SOHLH2: variants seen among roughly 807,000 people sequenced by gnomAD.
SOHLH2 encodes spermatogenesis- and oogenesis-specific basic helix-loop-helix-containing protein 2.
Under a neutral mutation model 50.4 loss-of-function variants are expected in SOHLH2, and 22 were observed. The observed-to-expected ratio is 0.44, with a 90% confidence interval of 0.31 to 0.62. SOHLH2 has a LOEUF of 0.62. Ranked by LOEUF, SOHLH2 falls within the 20% of genes least tolerant of loss-of-function variation. SOHLH2 has a pLI of 0.08. For missense variants in SOHLH2, 412 were observed against 504.4 expected, an observed-to-expected ratio of 0.82 and a Z score of 1.76; for synonymous variants, 185 against 187.3, an observed-to-expected ratio of 0.99 and a Z score of 0.10.
intron 10 of SOHLH2, 37 bp from the exon 11 acceptor site, chr13:36,169,091 C>A (rs769537748): frequency 1.9e-6 from 3 of 1,597,418 alleles, no homozygotes; most frequent in South Asian, 2.3e-5. Flanking sequence ...TTAATTGAAT[C>A]CTCACCCACT....
At chr13:36,173,903 A>C (rs1887031542) in intron 8 of SOHLH2, 93 bp from the exon 9 acceptor site, 1 of 1,398,922 alleles carries the variant, frequency 7.1e-7, no homozygotes, top group Admixed American at 1.9e-5. Context: ...TTCAAGTTCT[A>C]AAAACACTGA....
At chr13:36,170,481 T>C in intron 10 of SOHLH2, 50 bp downstream of exon 10, 2 of 1,578,784 alleles carry the variant, frequency 1.3e-6, no homozygotes, top group Non-Finnish European at 1.7e-6. Flanking sequence ...GGGTTTCTGC[T>C]GGCTGGAGTG....
At chr13:36,208,339 C>T (rs1366185815) in intron 1 of SOHLH2, among the ~76,000 whole-genome samples, 1 of 151,980 alleles carries the variant, frequency 6.6e-6, no homozygotes, top group African/African-American at 2.4e-5. Flanking sequence ...CTTATTTAGT[C>T]AATTGTTTAT....
chr13:36,190,010 A>G lies in SOHLH2; in HGVS notation c.577T>C (p.Leu193=), dbSNP rs1020815959. 3 of 1,608,694 alleles carry G rather than the reference A, an allele frequency of 1.9e-6. No individual in the cohort carries two copies. The highest frequency in any genetic ancestry group is 1.7e-6 in the Non-Finnish European group (2 of 1,176,652). Reference sequence around the variant, plus strand: ...TTTTTGTTTTTCTCGAACTCTGACAACGAAGCATTTAATTCAAGCCCATTG... The same window carrying G: ...TTTTTGTTTTTCTCGAACTCTGACAGCGAAGCATTTAATTCAAGCCCATTG... ...NGNGLELNAS[L]SEFEKNKKIS... The change falls in exon 6 of 11, where the codon TTG becomes CTG. Residue 193 remains leucine, a synonymous_variant. Transcript: ENST00000379881.
rs148353610 is a variant in SOHLH2, at chr13:36,197,210, G to A, written c.264-3343C>T. ...CAATCCATTTTCCCTCATGTTTCAC[G>A]ATTACGCTGTTTAAATGTCATGATG... On this transcript the variant is annotated intron_variant, in intron 2 of 10. Coordinates refer to ENST00000379881, the MANE Select transcript of SOHLH2 (RefSeq NM_017826.3). 4.6e-5 allele frequency among the ~76,000 whole-genome samples: 7 copies of A among 152,118 alleles called. No individual in the cohort carries two copies. The East Asian group carries it at 9.7e-4, about 21-fold the overall frequency.
At position 36,168,785 on chromosome 13, in the gene SOHLH2, T is replaced by G. The variant is rs763556639; in HGVS notation, c.*249A>C. 3.5e-5 allele frequency: 17 copies of G among 486,724 alleles called. No individual in the cohort carries two copies. The highest frequency in any genetic ancestry group is 4.9e-5 in the Non-Finnish European group (14 of 287,416). The allele number at this position is 486,724 out of a possible 1,614,324, so 30.2% of individuals were successfully genotyped here. A position where few individuals can be genotyped will look rare whatever the true frequency, so the allele number is the denominator to read the frequency against. On this transcript the variant is annotated 3_prime_UTR_variant, in exon 11 of 11. Transcript: ENST00000379881. ...GTAGGTCACTGAGGCCATTTGTTCT[T>G]GTAGCTCTCTGGCTGGCGGGGATCC...
Position 36,201,935 on chromosome 13 carries a change from G to T in SOHLH2, c.207C>A (p.Leu69=). 1 of 1,614,194 alleles carries T rather than the reference G, an allele frequency of 6.2e-7. No individual in the cohort carries two copies. Among genetic ancestry groups the T allele is most frequent in the Non-Finnish European group, 8.5e-7 (1 of 1,180,042 alleles). Residue 69 remains leucine, a synonymous_variant, in exon 2 of 11, where the codon CTC becomes CTA. Coordinates refer to ENST00000379881, the MANE Select transcript of SOHLH2 (RefSeq NM_017826.3). The part of the protein sequence containing the change: ...LLDDCIFNMV[L]LKVPSSLSAE... Reference sequence around the variant, plus strand: ...CACTTAGTGAAGAAGGCACCTTCAAGAGAACCATGTTGAATATGCAATCAT... The same window carrying T: ...CACTTAGTGAAGAAGGCACCTTCAATAGAACCATGTTGAATATGCAATCAT...
chr13:36,178,266 GCT>G (rs1378179244), intron 6 of SOHLH2, among the ~76,000 whole-genome samples: 1 of 151,868 alleles, frequency 6.6e-6, no homozygotes, highest in Non-Finnish European at 1.5e-5. Context: ...TTATAGTACA[GCT>G]CTGAGTATGC....
intron 1 of SOHLH2, among the ~76,000 whole-genome samples, chr13:36,214,224 C>T (rs1236951651): frequency 1.3e-5 from 2 of 152,130 alleles, no homozygotes; most frequent in African/African-American, 4.8e-5. Flanking sequence ...TCAGCCCCGT[C>T]CCCCAACCTC....
intron 6 of SOHLH2, among the ~76,000 whole-genome samples, chr13:36,179,909 T>C (rs1291198002): frequency 2.6e-5 from 4 of 152,260 alleles, no homozygotes; most frequent in African/African-American, 9.6e-5. Context: ...TAGGGTTATG[T>C]TGTTCCCATG....
chr13:36,172,071 C>T (rs975468038), intron 9 of SOHLH2, among the ~76,000 whole-genome samples: 3 of 152,180 alleles, frequency 2.0e-5, no homozygotes, highest in Admixed American at 1.3e-4. Flanking sequence ...GACTCCTTAA[C>T]CTTCAAGGCC....
At position 36,173,726 on chromosome 13, in the gene SOHLH2, A is replaced by G. The variant is rs965858792; in HGVS notation, c.966T>C (p.Pro322=). The change falls in exon 9 of 11, where the codon CCT becomes CCC. Residue 322 remains proline (P), a synonymous_variant. Coordinates refer to ENST00000379881, the MANE Select transcript of SOHLH2 (RefSeq NM_017826.3). ...TNTCWNGCST[P]DAESSLDEAV... ...CTTCATCCAAGGAGCTCTCTGCATC[A>G]GGAGTGGAGCACCCATTCCAGCACG... 2 of 1,613,516 alleles carry G rather than the reference A, an allele frequency of 1.2e-6. No individual in the cohort carries two copies. The highest frequency in any genetic ancestry group is 1.3e-5 in the African/African-American group (1 of 74,912).
At position 36,184,814 on chromosome 13, in the gene SOHLH2, C is replaced by T. The variant is rs182447775; in HGVS notation, c.641+5132G>A. 1.9e-3 allele frequency among the ~76,000 whole-genome samples: 291 copies of T among 152,254 alleles called. 1 individual carries two copies. Among genetic ancestry groups the T allele is most frequent in the African/African-American group, 6.4e-3 (265 of 41,538 alleles). On this transcript the variant is annotated intron_variant, in intron 6 of 10. Coordinates refer to ENST00000379881, the MANE Select transcript of SOHLH2 (RefSeq NM_017826.3). Reference sequence around the variant, plus strand: ...ATGTGCAGAACGTGTAGGTTTGTTACATATGCATACATGTGCCATGGTGGT... The same window carrying T: ...ATGTGCAGAACGTGTAGGTTTGTTATATATGCATACATGTGCCATGGTGGT...
chr13:36,198,390 G>T (rs2149424), intron 2 of SOHLH2, among the ~76,000 whole-genome samples: 49,148 of 152,020 alleles, frequency 0.32, 8,057 homozygotes, highest in African/African-American at 0.38. Context: ...ATCCTCAATT[G>T]TGAAAACTTA....
Position 36,191,811 on chromosome 13 carries a change from T to C in SOHLH2, c.514A>G (p.Thr172Ala). 2 of 1,613,884 alleles carry C rather than the reference T, an allele frequency of 1.2e-6. No individual in the cohort carries two copies. The highest frequency in any genetic ancestry group is 1.7e-6 in the Non-Finnish European group (2 of 1,179,806). The change falls in exon 5 of 11, where the codon ACT becomes GCT. Residue 172 changes from threonine (T) to alanine (A), a missense_variant. Thr to Ala is a moderately conservative substitution (Grantham distance 58). Transcript: ENST00000379881. ...AAAACTAACCAGGCAAATAGATCAGTAGGAAAATATCCCAGGTGTTCGCTG... is the reference window on the plus strand; with the variant it reads ...AAAACTAACCAGGCAAATAGATCAGCAGGAAAATATCCCAGGTGTTCGCTG... The part of the protein sequence containing the change: ...SYSEHLGYFP[T>A]DLFACSESLR...
At chr13:36,201,566 G>A (rs1484643362) in intron 2 of SOHLH2, among the ~76,000 whole-genome samples, 1 of 151,358 alleles carries the variant, frequency 6.6e-6, no homozygotes, top group African/African-American at 2.4e-5. Flanking sequence ...TTAAACTCCT[G>A]AACAATCCTC....
intron 8 of SOHLH2, 42 bp downstream of exon 8, chr13:36,174,434 A>T: frequency 6.2e-7 from 1 of 1,608,052 alleles, no homozygotes; most frequent in East Asian, 2.2e-5. Flanking sequence ...ATGGGAGGAA[A>T]ATAACTAGCA....
chr13:36,170,942 ACTTT>A (rs1267820570), intron 9 of SOHLH2, among the ~76,000 whole-genome samples, 155 bp from the exon 10 acceptor site: 1 of 152,180 alleles, frequency 6.6e-6, no homozygotes, highest in Non-Finnish European at 1.5e-5. Flanking sequence ...AACAAAGTGA[ACTTT>A]CTAATTGTGA....
intron 2 of SOHLH2, among the ~76,000 whole-genome samples, chr13:36,199,543 A>T (rs1887835478): frequency 6.6e-6 from 1 of 152,250 alleles, no homozygotes; most frequent in South Asian, 2.1e-4. Context: ...TGTATTCCAC[A>T]AATTATTTGT....
Sources: allele counts gnomAD v4.1 joint callset (sites outside exome capture counted in the v4.1 genomes callset), GRCh38; gene constraint gnomAD v4.1.1; transcripts MANE v1.5; gene names NCBI Gene and HGNC (gene_info 2026-07-23, HGNC 2026-07-21).